Variants in NALF1 observed in about 807,000 individuals in gnomAD.
NALF1 encodes family with sequence similarity 155 member A.
Under a neutral mutation model 48.4 loss-of-function variants are expected in NALF1, and 3 were observed. That is an observed-to-expected ratio of 0.06 (90% CI 0.03 to 0.16). The LOEUF (loss-of-function observed/expected upper bound fraction) is 0.16, where lower values mean the gene tolerates loss of function less well. Ranked by LOEUF, NALF1 falls within the 10% of genes least tolerant of loss-of-function variation. NALF1 has a pLI of 1.00. For missense variants in NALF1, 526 were observed against 571.5 expected, an observed-to-expected ratio of 0.92 and a Z score of 0.81; for synonymous variants, 262 against 245.7, an observed-to-expected ratio of 1.07 and a Z score of -0.62.
At chr13:107,292,504 T>C (rs1881642273) in intron 1 of NALF1, among the ~76,000 whole-genome samples, 1 of 152,228 alleles carries the variant, frequency 6.6e-6, no homozygotes, top group Non-Finnish European at 1.5e-5. Flanking sequence ...TTTTAAACTT[T>C]TTGTTAAAAG....
At chr13:107,836,133 G>A (rs1409423329) in intron 1 of NALF1, among the ~76,000 whole-genome samples, 1 of 152,074 alleles carries the variant, frequency 6.6e-6, no homozygotes, top group East Asian at 1.9e-4. Flanking sequence ...TGAGACTACA[G>A]GTGCACATCA....
intron 1 of NALF1, among the ~76,000 whole-genome samples, chr13:107,293,871 A>G (rs1304354387): frequency 6.6e-6 from 1 of 152,254 alleles, no homozygotes; most frequent in Non-Finnish European, 1.5e-5. Context: ...TTATTTCAAG[A>G]CTTGGAGAAA....
At chr13:107,292,569 C>T (rs2138883945) in intron 1 of NALF1, among the ~76,000 whole-genome samples, 1 of 152,224 alleles carries the variant, frequency 6.6e-6, no homozygotes. Flanking sequence ...AGGGTCAGGT[C>T]ATCAACATCA....
chr13:107,698,101 C>T (rs796920070), intron 1 of NALF1, among the ~76,000 whole-genome samples: 2 of 152,210 alleles, frequency 1.3e-5, no homozygotes, highest in African/African-American at 4.8e-5. Context: ...TTGGTAAAGA[C>T]CATCCTCATT....
intron 1 of NALF1, among the ~76,000 whole-genome samples, chr13:107,524,029 C>A (rs545705282): frequency 6.6e-6 from 1 of 152,016 alleles, no homozygotes; most frequent in Admixed American, 6.6e-5. Flanking sequence ...GAGTTTTCAA[C>A]GTTTTGGCTG....
intron 1 of NALF1, among the ~76,000 whole-genome samples, chr13:107,406,964 C>T (rs1181802161): frequency 6.6e-6 from 1 of 151,930 alleles, no homozygotes; most frequent in Non-Finnish European, 1.5e-5. Context: ...TAAATCCACA[C>T]ACCTAACAGT....
At chr13:107,816,446 C>G (rs1441605700) in intron 1 of NALF1, among the ~76,000 whole-genome samples, 3 of 152,040 alleles carry the variant, frequency 2.0e-5, no homozygotes, top group Non-Finnish European at 4.4e-5. Flanking sequence ...GAGGAAAAAG[C>G]AAAAGCAGAA....
intron 2 of NALF1, among the ~76,000 whole-genome samples, chr13:107,196,662 A>G (rs934238674): frequency 6.6e-6 from 1 of 152,162 alleles, no homozygotes; most frequent in Non-Finnish European, 1.5e-5. Flanking sequence ...AAATATAGAG[A>G]GATGATAAAA....
intron 1 of NALF1, among the ~76,000 whole-genome samples, chr13:107,234,753 C>T (rs1292275855): frequency 6.6e-6 from 1 of 152,154 alleles, no homozygotes; most frequent in African/African-American, 2.4e-5. Flanking sequence ...GCATTTTCAG[C>T]TCTTCTCCTT....
chr13:107,251,100 T>C (rs554076677), intron 1 of NALF1, among the ~76,000 whole-genome samples: 13 of 152,328 alleles, frequency 8.5e-5, no homozygotes, highest in African/African-American at 2.6e-4. Flanking sequence ...TATGTTAATA[T>C]TGGCATGCCT....
chr13:107,258,019 A>G (rs1880854811), intron 1 of NALF1, among the ~76,000 whole-genome samples: 1 of 152,202 alleles, frequency 6.6e-6, no homozygotes, highest in Admixed American at 6.5e-5. Context: ...CAGTAAACAA[A>G]TATATAAGTG....
chr13:107,802,612 C>T (rs1878653718), intron 1 of NALF1, among the ~76,000 whole-genome samples: 1 of 151,806 alleles, frequency 6.6e-6, no homozygotes, highest in Non-Finnish European at 1.5e-5. Context: ...AGACATAGTT[C>T]CCAGAATGGA....
intron 1 of NALF1, among the ~76,000 whole-genome samples, chr13:107,815,565 G>C (rs982004420): frequency 5.9e-5 from 9 of 152,166 alleles, no homozygotes; most frequent in Non-Finnish European, 1.3e-4. Context: ...GCTAGTAGAA[G>C]TGTAAAATAC....
At chr13:107,783,615 G>A (rs1443115933) in intron 1 of NALF1, among the ~76,000 whole-genome samples, 1 of 152,068 alleles carries the variant, frequency 6.6e-6, no homozygotes, top group African/African-American at 2.4e-5. Context: ...AGGGTTGAAT[G>A]GATTAAGGGC....
At chr13:107,408,424 T>G (rs1408836597) in intron 1 of NALF1, among the ~76,000 whole-genome samples, 4 of 151,778 alleles carry the variant, frequency 2.6e-5, no homozygotes, top group Non-Finnish European at 5.9e-5. Context: ...TACCCACAAT[T>G]TTTTTTTAAT....
At chr13:107,580,484 A>C (rs1878273978) in intron 1 of NALF1, among the ~76,000 whole-genome samples, 1 of 152,162 alleles carries the variant, frequency 6.6e-6, no homozygotes, top group East Asian at 1.9e-4. Flanking sequence ...GGTCTGCTCC[A>C]GCTGACGGTT....
At chr13:107,365,102 C>T (rs911071492) in intron 1 of NALF1, among the ~76,000 whole-genome samples, 3 of 149,564 alleles carry the variant, frequency 2.0e-5, no homozygotes, top group Non-Finnish European at 4.4e-5. Flanking sequence ...CCTCTACCTC[C>T]TTCTCCTCCT....
chr13:107,164,707 T>C lies in NALF1; in HGVS notation c.*5790A>G, dbSNP rs1473602457. ...TATTAAAAGTCATCAGAGCTCACTT[T>C]AGTTCTGTAATATATGTTAAGACTT... On this transcript the variant is annotated 3_prime_UTR_variant, in exon 3 of 3. Coordinates refer to ENST00000375915, the MANE Select transcript of NALF1 (RefSeq NM_001080396.3). 1 of 152,158 alleles carries C rather than the reference T, an allele frequency of 6.6e-6. No homozygotes were observed. 9.4% of individuals were successfully genotyped at this position (152,158 alleles called of 1,614,324 possible).
At chr13:107,654,068 AATAT>A (rs1880514246) in intron 1 of NALF1, among the ~76,000 whole-genome samples, 3 of 152,120 alleles carry the variant, frequency 2.0e-5, no homozygotes, top group Admixed American at 2.0e-4. Context: ...TTGAAACAAA[AATAT>A]ATAAAAGATA....
Sources: gnomAD v4.1 joint callset for allele counts (sites outside exome capture counted in the v4.1 genomes callset) on GRCh38, gnomAD v4.1.1 for gene constraint, MANE v1.5 for transcripts, NCBI Gene and HGNC (gene_info 2026-07-23, HGNC 2026-07-21) for gene names.